TTC7A: variants seen among roughly 807,000 people sequenced by gnomAD.
TTC7A encodes the protein tetratricopeptide repeat protein 7A.
In TTC7A, 110 loss-of-function variants were observed where a neutral mutation model predicts 103.7. The ratio of observed to expected loss-of-function variants is 1.06; its 90% CI spans 0.91 to 1.24. TTC7A has a LOEUF of 1.24. Ranked by LOEUF, TTC7A falls within the 50% of genes most tolerant of loss-of-function variation. The pLI, the probability that TTC7A is intolerant of heterozygous loss-of-function variation, is 0.00. For synonymous variants in TTC7A, 521 were observed against 467.9 expected (o/e 1.11, Z -1.47); for missense variants, 1,340 against 1,116.3 (o/e 1.20, Z -2.86).
chr2:47,033,508 C>T (rs1421351779), intron 15 of TTC7A, among the ~76,000 whole-genome samples: 1 of 152,214 alleles, frequency 6.6e-6, no homozygotes, highest in Non-Finnish European at 1.5e-5. Context: ...GGGGAGGAAA[C>T]TGGTGGGGGA....
chr2:46,980,077 T>G (rs1255544338), intron 5 of TTC7A, among the ~76,000 whole-genome samples: 1 of 152,238 alleles, frequency 6.6e-6, no homozygotes, highest in East Asian at 1.9e-4. Context: ...GTGTGCCATT[T>G]TTAGTGTGAT....
chr2:47,042,530 A>G (rs1473671831), intron 15 of TTC7A, among the ~76,000 whole-genome samples: 2 of 152,140 alleles, frequency 1.3e-5, no homozygotes, highest in African/African-American at 4.8e-5. Flanking sequence ...TTTCTTTTAT[A>G]AAAGGGCAGC....
At chr2:46,988,291 G>A (rs922584546) in intron 5 of TTC7A, among the ~76,000 whole-genome samples, 3 of 152,172 alleles carry the variant, frequency 2.0e-5, no homozygotes, top group African/African-American at 7.2e-5. Context: ...TCTGAGGCTG[G>A]GGGTGAAGAG....
chr2:47,031,351 CCTAGTGCCAGTAACCTTG>C, intron 15 of TTC7A, among the ~76,000 whole-genome samples: 1 of 152,304 alleles, frequency 6.6e-6, no homozygotes, highest in African/African-American at 2.4e-5. Flanking sequence ...GTTCCCCACT[CCTAGTGCCAGTAACCTTG>C]CTTTGATCCC....
upstream of TTC7A, among the ~76,000 whole-genome samples, chr2:46,936,378 C>A (rs971147225): frequency 6.6e-6 from 1 of 152,054 alleles, no homozygotes; most frequent in Non-Finnish European, 1.5e-5. Context: ...TGTCTCTGAT[C>A]AAAACTTTAT....
chr2:46,969,030 G>A (rs1212565707), intron 3 of TTC7A, among the ~76,000 whole-genome samples: 3 of 151,370 alleles, frequency 2.0e-5, no homozygotes, highest in African/African-American at 7.3e-5. Flanking sequence ...AGCTCCCACA[G>A]TGCTGGGATT....
chr2:47,067,324 A>T (rs1262082618), intron 19 of TTC7A, among the ~76,000 whole-genome samples: 22 of 152,222 alleles, frequency 1.4e-4, no homozygotes, highest in Admixed American at 1.4e-3. Flanking sequence ...AACGTTGGGC[A>T]TTTTTATCAC....
In TTC7A at chr2:46,994,370, A is replaced by T; in HGVS notation, c.857A>T (p.His286Leu). Reference protein sequence around the residue: ...TQNFKVMAAKHLAGVLLHSLS... With the variant: ...TQNFKVMAAKLLAGVLLHSLS... ...CCTCTCTGCCAGATGGCGGCCAAGC[A>T]CCTGGCGGGGGTCCTGCTGCACTCC... Residue 286 changes from histidine to leucine, a missense_variant, in exon 7 of 20, where the codon CAC (histidine) becomes CTC (leucine). By Grantham distance (99) the His-to-Leu change is moderately conservative. Coordinates refer to ENST00000319190, the MANE Select transcript of TTC7A (RefSeq NM_020458.4). 6.2e-7 allele frequency: 1 copy of T among 1,612,804 alleles called. No homozygotes were observed. Among genetic ancestry groups the T allele is most frequent in the Non-Finnish European group, 8.5e-7 (1 of 1,179,336 alleles).
chr2:47,022,009 T>A (rs777945057), intron 12 of TTC7A, 30 bp downstream of exon 12: 1 of 1,543,996 alleles, frequency 6.5e-7, no homozygotes, highest in South Asian at 1.1e-5. Context: ...AGGCCTCTAC[T>A]TGGGGATGGC....
chr2:47,043,514 A>C (rs1029300232), intron 15 of TTC7A, among the ~76,000 whole-genome samples: 2 of 152,108 alleles, frequency 1.3e-5, no homozygotes, highest in Admixed American at 1.3e-4. Context: ...ACCAGCGCCC[A>C]AGGTCATGGG....
intron 8 of TTC7A, among the ~76,000 whole-genome samples, chr2:46,996,809 C>G (rs1161219528): frequency 1.3e-5 from 2 of 152,198 alleles, no homozygotes; most frequent in East Asian, 3.9e-4. Flanking sequence ...TAAAATGGGC[C>G]CTTACTCTGA....
chr2:46,966,198 C>T (rs997268754), intron 3 of TTC7A, among the ~76,000 whole-genome samples: 2 of 152,192 alleles, frequency 1.3e-5, no homozygotes, highest in Non-Finnish European at 2.9e-5. Context: ...ATCCTCCCGC[C>T]TCAGGCTCCC....
Position 47,018,937 on chromosome 2 carries a change from T to C in TTC7A, c.1393-2925T>C, listed in dbSNP as rs2104530511. Reference sequence around the variant, plus strand: ...CCCCAGAGCTTGTGTTCTTAGCTGCTAGACTGCCCTGCCTCTTTGCATGAA... The same window carrying C: ...CCCCAGAGCTTGTGTTCTTAGCTGCCAGACTGCCCTGCCTCTTTGCATGAA... On this transcript the variant is annotated intron_variant, in intron 11 of 19. Coordinates refer to ENST00000319190, the MANE Select transcript of TTC7A (RefSeq NM_020458.4). 1.3e-5 allele frequency among the ~76,000 whole-genome samples: 2 copies of C among 152,320 alleles called. 1 individual carries two copies. The highest frequency in any genetic ancestry group is 4.1e-4 in the South Asian group (2 of 4,826).
At chr2:46,946,178 G>C (rs1670922999) in intron 1 of TTC7A, among the ~76,000 whole-genome samples, 1 of 152,148 alleles carries the variant, frequency 6.6e-6, no homozygotes, top group Admixed American at 6.5e-5. Context: ...GGGGCTTTGG[G>C]GCTTTGGGGC....
chr2:46,934,482 C>A (rs925050984), intron 2 of TTC7A, among the ~76,000 whole-genome samples: 18 of 152,120 alleles, frequency 1.2e-4, no homozygotes, highest in African/African-American at 4.3e-4. Context: ...TGGTCTTGAA[C>A]TGGCTGGTCT....
At chr2:47,049,354 C>G (rs373341104) in intron 16 of TTC7A, among the ~76,000 whole-genome samples, 69 of 152,126 alleles carry the variant, frequency 4.5e-4, no homozygotes, top group African/African-American at 1.4e-3. Flanking sequence ...ACCCCTCCCC[C>G]CCGCCAGCAG....
chr2:47,002,917 A>G (rs1429618441), intron 8 of TTC7A, among the ~76,000 whole-genome samples: 1 of 152,086 alleles, frequency 6.6e-6, no homozygotes, highest in Non-Finnish European at 1.5e-5. Flanking sequence ...ACCAGTCCCT[A>G]GGACCCCCAG....
chr2:46,949,125 C>A (rs13013135), intron 1 of TTC7A, among the ~76,000 whole-genome samples: 1 of 152,180 alleles, frequency 6.6e-6, no homozygotes, highest in Non-Finnish European at 1.5e-5. Flanking sequence ...CACTGAACAC[C>A]CGGCTCCCAT....
At chr2:46,989,342 A>G (rs1675363958) in intron 5 of TTC7A, among the ~76,000 whole-genome samples, 1 of 152,270 alleles carries the variant, frequency 6.6e-6, no homozygotes, top group Admixed American at 6.5e-5. Context: ...CAGAAAGGTC[A>G]GCATGAGAGA....
Sources: allele counts gnomAD v4.1 joint callset (sites outside exome capture counted in the v4.1 genomes callset), GRCh38; gene constraint gnomAD v4.1.1; transcripts MANE v1.5; gene names NCBI Gene and HGNC (gene_info 2026-07-23, HGNC 2026-07-21).